CCDC171: variants seen among roughly 807,000 people sequenced by gnomAD.
CCDC171 encodes the protein coiled-coil domain-containing protein 171.
In CCDC171, 177 loss-of-function variants were observed where a neutral mutation model predicts 168.2. The observed-to-expected ratio is 1.05, with a 90% CI of 0.93 to 1.19. The LOEUF (loss-of-function observed/expected upper bound fraction) is 1.19. Ranked by LOEUF, CCDC171 falls within the 50% of genes most tolerant of loss-of-function variation. The probability of loss-of-function intolerance (pLI) is 0.00; values close to 1 mark genes in which losing one functional copy is unlikely to be tolerated. For missense variants in CCDC171, 1,991 were observed against 1,539.0 expected (o/e 1.29, Z -4.91); for synonymous variants, 687 against 540.8 (o/e 1.27, Z -3.75).
rs542524293 is a variant in CCDC171 at position 15,859,252 on chromosome 9, G to T, written c.3468+10305G>T. The stretch of plus-strand genomic sequence containing the variant: ...GGGATAAATCCCACTTTGTAATGGC[G>T]CCTAATCCTTTAATTGTGCTTTTGA... On this transcript the variant is annotated intron_variant, in intron 23 of 25. Coordinates refer to ENST00000380701, the MANE Select transcript of CCDC171 (RefSeq NM_173550.4). Among the ~76,000 whole-genome samples the T allele has an allele frequency of 5.9e-5, 9 of 152,014 alleles. No homozygotes were observed. In the South Asian group the frequency reaches 1.9e-3, roughly 32 times the overall value.
intron 1 of CCDC171, among the ~76,000 whole-genome samples, chr9:16,048,551 T>C (rs1000716783): frequency 6.6e-6 from 1 of 152,226 alleles, no homozygotes. Context: ...TTTTAGAGAT[T>C]AAGACCACAG....
intron 21 of CCDC171, among the ~76,000 whole-genome samples, chr9:15,811,423 C>T (rs1005219599): frequency 4.6e-5 from 7 of 151,586 alleles, no homozygotes; most frequent in African/African-American, 1.5e-4. Flanking sequence ...TCTTTTTTTC[C>T]CCACCCCCGT....
the CCDC171 span, among the ~76,000 whole-genome samples, chr9:16,108,485 T>G: frequency 1.8e-4 from 28 of 152,372 alleles, no homozygotes; most frequent in Middle Eastern, 6.8e-3. Context: ...CATAGTATGC[T>G]CTGTGCCGCC....
chr9:15,611,498 G>T (rs1307379485), intron 6 of CCDC171, among the ~76,000 whole-genome samples: 3 of 152,166 alleles, frequency 2.0e-5, no homozygotes, highest in African/African-American at 7.2e-5. Flanking sequence ...TCCCTAGAAA[G>T]AAATCTTTCC....
chr9:16,020,788 C>A (rs1833140879), exon 4 of CCDC171: 1 of 154,194 alleles, frequency 6.5e-6, no homozygotes, highest in Admixed American at 6.5e-5. Flanking sequence ...TCATGTGCCT[C>A]CGAATGGTGA....
At chr9:15,833,602 T>G (rs1426549094) in intron 21 of CCDC171, among the ~76,000 whole-genome samples, 2 of 152,208 alleles carry the variant, frequency 1.3e-5, no homozygotes, top group African/African-American at 4.8e-5. Flanking sequence ...TGACTTGTAT[T>G]TGCTTTAGTG....
At chr9:16,099,184 G>T in the CCDC171 span, among the ~76,000 whole-genome samples, 1 of 152,222 alleles carries the variant, frequency 6.6e-6, no homozygotes, top group African/African-American at 2.4e-5. Flanking sequence ...AATTCTTGGA[G>T]ATTTAATAAA....
chr9:15,674,031 A>G (rs773730463), intron 9 of CCDC171, among the ~76,000 whole-genome samples: 2 of 152,056 alleles, frequency 1.3e-5, no homozygotes, highest in Non-Finnish European at 2.9e-5. Flanking sequence ...TTCAGAACCT[A>G]TTATTGGTCT....
chr9:15,902,050 C>T (rs1345992390), intron 24 of CCDC171, among the ~76,000 whole-genome samples: 2 of 151,942 alleles, frequency 1.3e-5, no homozygotes, highest in Non-Finnish European at 2.9e-5. Context: ...TCTTTGATGG[C>T]AAGTGGCTAA....
intron 10 of CCDC171, 86 bp downstream of exon 10, chr9:15,678,982 T>A: frequency 9.8e-7 from 1 of 1,018,900 alleles, no homozygotes; most frequent in Non-Finnish European, 1.4e-6. Flanking sequence ...CCACATTCCA[T>A]GAGATAATAG....
chr9:15,745,731 A>G lies in CCDC171; in HGVS notation c.2671+100A>G, dbSNP rs1360976505. The G allele has an allele frequency of 4.4e-5, 28 of 639,760 alleles. No homozygotes were observed. In the East Asian group the frequency reaches 5.8e-4, roughly 13 times the overall value. 39.6% of individuals were successfully genotyped at this position (639,760 alleles called of 1,614,324 possible). ...TCTAATAAAACATATAGGGGGAAAT[A>G]TATTTGTTTTTATCTTTATTTTATT... On this transcript the variant is annotated intron_variant, in intron 18 of 25. Coordinates refer to ENST00000380701, the MANE Select transcript of CCDC171 (RefSeq NM_173550.4).
At chr9:15,638,108 A>G (rs981290307) in intron 7 of CCDC171, among the ~76,000 whole-genome samples, 2 of 152,134 alleles carry the variant, frequency 1.3e-5, no homozygotes, top group African/African-American at 4.8e-5. Flanking sequence ...TACTTTTGAT[A>G]ATACCAGGTC....
intron 24 of CCDC171, among the ~76,000 whole-genome samples, chr9:15,902,170 T>C (rs890818157): frequency 6.6e-6 from 1 of 151,750 alleles, no homozygotes; most frequent in Non-Finnish European, 1.5e-5. Flanking sequence ...AGAGAAAACA[T>C]TGTAAAATAG....
chr9:16,036,383 G>A (rs543425222), intron 8 of CCDC171, among the ~76,000 whole-genome samples: 28 of 152,324 alleles, frequency 1.8e-4, no homozygotes, highest in African/African-American at 6.3e-4. Context: ...GGTGGCTCAC[G>A]CCTGTAATCC....
intron 9 of CCDC171, among the ~76,000 whole-genome samples, chr9:15,675,629 T>C (rs907032454): frequency 3.3e-5 from 5 of 152,204 alleles, no homozygotes; most frequent in Admixed American, 2.0e-4. Context: ...CCTTCACTTA[T>C]GAAGTTTAGT....
intron 18 of CCDC171, among the ~76,000 whole-genome samples, chr9:15,759,165 A>C (rs955921290): frequency 6.6e-6 from 1 of 152,152 alleles, no homozygotes; most frequent in African/African-American, 2.4e-5. Flanking sequence ...ATAGACTAAC[A>C]AGTGATATTG....
intron 21 of CCDC171, among the ~76,000 whole-genome samples, chr9:15,831,967 C>CT (rs1282471976): frequency 3.3e-5 from 5 of 151,914 alleles, no homozygotes; most frequent in Non-Finnish European, 5.9e-5. Context: ...GTTTTGATTT[C>CT]TTTTTTTGTC....
At chr9:15,730,411 T>C (rs572420632) in intron 16 of CCDC171, among the ~76,000 whole-genome samples, 1 of 151,950 alleles carries the variant, frequency 6.6e-6, no homozygotes, top group South Asian at 2.1e-4. Flanking sequence ...CAACATTATT[T>C]ATATTGTTAA....
At chr9:15,702,761 G>C (rs185853049) in intron 11 of CCDC171, among the ~76,000 whole-genome samples, 80 of 152,316 alleles carry the variant, frequency 5.3e-4, no homozygotes, top group African/African-American at 1.7e-3. Flanking sequence ...AGCATTTGCT[G>C]TTTGGCCTTA....
Sources: allele counts gnomAD v4.1 joint callset (sites outside exome capture counted in the v4.1 genomes callset), GRCh38; gene constraint gnomAD v4.1.1; transcripts MANE v1.5; gene names NCBI Gene and HGNC (gene_info 2026-07-23, HGNC 2026-07-21).